The following SPATA16 variants were observed in gnomAD, a reference collection of about 807,000 sequenced individuals.
SPATA16 encodes spermatogenesis-associated protein 16.
Under a neutral mutation model 63.3 loss-of-function variants are expected in SPATA16, and 36 were observed. That is an observed-to-expected ratio of 0.57 (90% CI 0.44 to 0.75). The LOEUF is 0.75. SPATA16 is among the 30% of genes least tolerant of loss of function. The pLI, the probability that SPATA16 is intolerant of heterozygous loss-of-function variation, is 0.00. For synonymous variants in SPATA16, 203 were observed against 216.7 expected (o/e 0.94, Z 0.56); for missense variants, 646 against 679.3 (o/e 0.95, Z 0.54).
intron 2 of SPATA16, among the ~76,000 whole-genome samples, chr3:173,051,698 T>C (rs1311849562): frequency 1.3e-5 from 2 of 152,150 alleles, no homozygotes; most frequent in African/African-American, 2.4e-5. Flanking sequence ...TCAAATCTCC[T>C]CTTCACATAA....
intron 4 of SPATA16, among the ~76,000 whole-genome samples, chr3:173,017,067 A>C (rs1735206674): frequency 6.6e-6 from 1 of 152,120 alleles, no homozygotes; most frequent in Non-Finnish European, 1.5e-5. Flanking sequence ...TTACATTAGA[A>C]ATCTAGCTGC....
intron 4 of SPATA16, among the ~76,000 whole-genome samples, chr3:172,978,887 T>A (rs986819760): frequency 2.0e-5 from 3 of 152,202 alleles, no homozygotes; most frequent in African/African-American, 7.2e-5. Flanking sequence ...AACTCTAAAA[T>A]AAGAAAATTA....
chr3:173,019,336 T>C (rs2108276298), intron 4 of SPATA16, 150 bp downstream of exon 4: 1 of 769,256 alleles, frequency 1.3e-6, no homozygotes, highest in East Asian at 2.5e-5. Flanking sequence ...AGATAGTCAA[T>C]AATTGCTGGT....
intron 6 of SPATA16, among the ~76,000 whole-genome samples, chr3:172,942,488 CAAT>C (rs1380327312): frequency 5.3e-5 from 8 of 151,300 alleles, no homozygotes; most frequent in East Asian, 1.9e-4. Flanking sequence ...AATTACATAA[CAAT>C]AACATACAAT....
chr3:173,126,080 T>G (rs531542501), intron 1 of SPATA16, among the ~76,000 whole-genome samples: 5,627 of 152,286 alleles, frequency 0.037, 162 homozygotes, highest in Non-Finnish European at 0.051. Context: ...TGTTACTCTA[T>G]GTCAACAATA....
At chr3:172,991,588 A>T (rs1371745430) in intron 4 of SPATA16, among the ~76,000 whole-genome samples, 1 of 152,182 alleles carries the variant, frequency 6.6e-6, no homozygotes, top group East Asian at 1.9e-4. Flanking sequence ...ATCCATAGCA[A>T]CCTTGATTTT....
chr3:172,895,583 G>A (rs542729814), intron 10 of SPATA16, among the ~76,000 whole-genome samples: 4 of 152,018 alleles, frequency 2.6e-5, no homozygotes, highest in Non-Finnish European at 5.9e-5. Flanking sequence ...TTTTCTGCTT[G>A]CGTCAGCCTC....
At chr3:172,929,574 G>GACAC in intron 6 of SPATA16, among the ~76,000 whole-genome samples, 1 of 151,160 alleles carries the variant, frequency 6.6e-6, no homozygotes, top group South Asian at 2.1e-4. Context: ...CTCTCTCTCT[G>GACAC]ACACACACAC....
intron 5 of SPATA16, among the ~76,000 whole-genome samples, chr3:172,964,898 T>A (rs78847574): frequency 0.021 from 3,200 of 152,300 alleles, 108 homozygotes; most frequent in African/African-American, 0.072. Context: ...AAGAAGTGTA[T>A]GTTGGAGAAC....
At chr3:172,919,670 T>C (rs539094921) in intron 8 of SPATA16, among the ~76,000 whole-genome samples, 34 of 152,222 alleles carry the variant, frequency 2.2e-4, no homozygotes, top group Non-Finnish European at 4.6e-4. Context: ...ATTTTAATTT[T>C]TTTTAATTCT....
In SPATA16 at chr3:173,121,754, T is replaced by G. The variant is rs116591569; in HGVS notation, c.-18-4005A>C. ...TAAGAGAAACAACATTGGATTTTTT[T>G]AAAAAGGTATGGACTATACCTTTGA... On this transcript the variant is annotated intron_variant, in intron 1 of 10. Transcript: ENST00000351008. Among the ~76,000 whole-genome samples, 411 of 152,300 alleles carry G rather than the reference T, an allele frequency of 2.7e-3. 1 individual carries two copies. Among genetic ancestry groups the G allele is most frequent in the African/African-American group, 9.5e-3 (394 of 41,562 alleles).
chr3:172,911,946 A>G (rs2109559988), intron 10 of SPATA16, among the ~76,000 whole-genome samples: 1 of 152,230 alleles, frequency 6.6e-6, no homozygotes, highest in South Asian at 2.1e-4. Context: ...TCTTCTCCCC[A>G]CCACAGCCCT....
At chr3:173,030,120 G>T (rs1735569731) in intron 3 of SPATA16, among the ~76,000 whole-genome samples, 1 of 151,380 alleles carries the variant, frequency 6.6e-6, no homozygotes, top group Admixed American at 6.6e-5. Flanking sequence ...CCACCTACCT[G>T]TCTATCTATA....
intron 6 of SPATA16, among the ~76,000 whole-genome samples, chr3:172,935,868 G>A (rs1180709246): frequency 1.3e-5 from 2 of 152,098 alleles, no homozygotes; most frequent in African/African-American, 2.4e-5. Flanking sequence ...TCATGTCTAG[G>A]AATAAACTGC....
intron 8 of SPATA16, among the ~76,000 whole-genome samples, chr3:172,919,578 C>A (rs1285486606): frequency 6.6e-6 from 1 of 152,180 alleles, no homozygotes; most frequent in Admixed American, 6.5e-5. Context: ...TTCACCACCT[C>A]ATAGCAAGAG....
intron 6 of SPATA16, among the ~76,000 whole-genome samples, chr3:172,947,553 TG>T (rs1234964523): frequency 9.9e-5 from 15 of 151,394 alleles, no homozygotes; most frequent in Non-Finnish European, 2.2e-4. Context: ...AGCAACACGG[TG>T]GTGTAGGGGT....
intron 6 of SPATA16, among the ~76,000 whole-genome samples, chr3:172,927,259 C>T (rs1560069078): frequency 6.6e-6 from 1 of 152,206 alleles, no homozygotes; most frequent in Non-Finnish European, 1.5e-5. Flanking sequence ...AGCTTCTCCA[C>T]AGAACCTCAG....
chr3:173,102,363 TAA>T (rs2108326377), intron 2 of SPATA16, among the ~76,000 whole-genome samples: 1 of 152,334 alleles, frequency 6.6e-6, no homozygotes, highest in African/African-American at 2.4e-5. Context: ...GGGTAATTTA[TAA>T]AGAAAAGACA....
intron 5 of SPATA16, among the ~76,000 whole-genome samples, chr3:172,972,884 A>G (rs746842773): frequency 3.3e-5 from 5 of 152,198 alleles, no homozygotes; most frequent in Non-Finnish European, 7.3e-5. Flanking sequence ...CGACATAGAT[A>G]GCGTTGATGA....
Sources: allele counts gnomAD v4.1 joint callset (sites outside exome capture counted in the v4.1 genomes callset), GRCh38; gene constraint gnomAD v4.1.1; transcripts MANE v1.5; gene names NCBI Gene and HGNC (gene_info 2026-07-23, HGNC 2026-07-21).